MICU2: variants seen among roughly 807,000 people sequenced by gnomAD.
MICU2 encodes mitochondrial calcium uptake 2.
MICU2 carries 64 observed loss-of-function variants against 60.4 expected under a neutral mutation model. That is an observed-to-expected ratio of 1.06 (90% confidence interval 0.87 to 1.31). MICU2 has a LOEUF of 1.31. MICU2 is among the 50% of genes most tolerant of loss of function. The probability of loss-of-function intolerance (pLI) is 0.00; values close to 1 mark genes in which losing one functional copy is unlikely to be tolerated. For synonymous variants in MICU2, 201 were observed against 175.0 expected, an observed-to-expected ratio of 1.15 and a Z score of -1.17; for missense variants, 569 against 531.0, an observed-to-expected ratio of 1.07 and a Z score of -0.70.
In MICU2 at chr13:21,566,889, C is replaced by T. The variant is rs138030448; in HGVS notation, c.266G>A (p.Arg89His). 3.0e-5 allele frequency: 48 copies of T among 1,612,382 alleles called. 1 individual carries two copies. The highest frequency in any genetic ancestry group is 2.2e-4 in the South Asian group (20 of 90,822). The change falls in exon 2 of 12, where the codon CGC becomes CAC. Residue 89 changes from arginine (R) to histidine (H), a missense_variant. Arg to His is a conservative substitution (Grantham distance 29). Transcript: ENST00000382374. ...TTCGAGTGAAGAAAACTGCATGAAG[C>T]GCTGCTTACGAAGAGACGGTTTCCC... ...YIGKPSLRKQ[R>H]FMQFSSLEHE...
intron 7 of MICU2, among the ~76,000 whole-genome samples, chr13:21,511,574 A>G (rs1332947934): frequency 6.6e-6 from 1 of 152,212 alleles, no homozygotes; most frequent in African/African-American, 2.4e-5. Context: ...GTATCCTCCA[A>G]TGGTAGCATC....
At chr13:21,554,072 C>A (rs1232687037) in intron 2 of MICU2, among the ~76,000 whole-genome samples, 10 of 152,120 alleles carry the variant, frequency 6.6e-5, no homozygotes, top group Non-Finnish European at 1.5e-4. Context: ...GACTCCCACA[C>A]AATAATAATG....
chr13:21,575,113 A>G (rs944670399), intron 1 of MICU2, among the ~76,000 whole-genome samples: 3 of 152,138 alleles, frequency 2.0e-5, no homozygotes, highest in Non-Finnish European at 4.4e-5. Context: ...GAAAGCTAGC[A>G]TGGCTTTTTT....
intron 2 of MICU2, among the ~76,000 whole-genome samples, chr13:21,558,225 G>A (rs1887755387): frequency 6.6e-6 from 1 of 152,156 alleles, no homozygotes; most frequent in Non-Finnish European, 1.5e-5. Context: ...CCTCAGGGAG[G>A]CAGTTTTGGG....
At chr13:21,584,062 C>A (rs1888406121) in intron 1 of MICU2, among the ~76,000 whole-genome samples, 1 of 152,118 alleles carries the variant, frequency 6.6e-6, no homozygotes, top group South Asian at 2.1e-4. Flanking sequence ...ATTGTGCTTT[C>A]ATATTTAAGG....
chr13:21,574,625 T>C (rs1017429647), intron 1 of MICU2, among the ~76,000 whole-genome samples: 1 of 152,242 alleles, frequency 6.6e-6, no homozygotes, highest in African/African-American at 2.4e-5. Flanking sequence ...TCTCCACATT[T>C]CTCAGGAAGA....
chr13:21,603,022 G>T (rs1279557882), intron 1 of MICU2, among the ~76,000 whole-genome samples: 2 of 149,670 alleles, frequency 1.3e-5, no homozygotes, highest in African/African-American at 2.5e-5. Flanking sequence ...AGGCTGGAGT[G>T]CAATGGCTCG....
At chr13:21,557,763 A>G (rs907351284) in intron 2 of MICU2, among the ~76,000 whole-genome samples, 4 of 152,334 alleles carry the variant, frequency 2.6e-5, no homozygotes, top group Middle Eastern at 3.4e-3. Flanking sequence ...CATCACATGC[A>G]TAAAGGATGT....
At chr13:21,597,636 A>T (rs1888722095) in intron 1 of MICU2, among the ~76,000 whole-genome samples, 1 of 152,094 alleles carries the variant, frequency 6.6e-6, no homozygotes, top group Non-Finnish European at 1.5e-5. Flanking sequence ...AGTATATAAA[A>T]TAATTTCAGG....
chr13:21,500,587 T>C (rs981345819), intron 9 of MICU2, among the ~76,000 whole-genome samples: 1 of 151,780 alleles, frequency 6.6e-6, no homozygotes, highest in African/African-American at 2.4e-5. Context: ...GCTACTTTTT[T>C]TTGTATTTTT....
chr13:21,513,360 A>C (rs959331166), intron 7 of MICU2, among the ~76,000 whole-genome samples: 1 of 152,106 alleles, frequency 6.6e-6, no homozygotes, highest in Non-Finnish European at 1.5e-5. Flanking sequence ...ATCAATAAGT[A>C]TGTTAGCTGT....
chr13:21,529,736 C>T (rs749173245), intron 4 of MICU2, among the ~76,000 whole-genome samples: 21 of 152,186 alleles, frequency 1.4e-4, no homozygotes, highest in Non-Finnish European at 2.6e-4. Context: ...TAGATATTAT[C>T]ATCTCTATTT....
At position 21,499,813 on chromosome 13, in the gene MICU2, C is replaced by G. The variant is rs182067870; in HGVS notation, c.933+3113G>C. On this transcript the variant is annotated intron_variant, in intron 9 of 11. Transcript: ENST00000382374. Reference sequence around the variant, plus strand: ...CTGTAATCCCAGCACTTTGGGAGGCCGAGAGTTTGGGACCAGCCTGGCCAA... The same window carrying G: ...CTGTAATCCCAGCACTTTGGGAGGCGGAGAGTTTGGGACCAGCCTGGCCAA... Among the ~76,000 whole-genome samples, 317 of 143,520 alleles carry G rather than the reference C, an allele frequency of 2.2e-3. 1 individual carries two copies. Among genetic ancestry groups the G allele is most frequent in the African/African-American group, 7.9e-3 (309 of 39,232 alleles). The allele number at this position is 143,520 out of a possible 152,430, so 94.2% of individuals were successfully genotyped here.
chr13:21,510,621 C>T (rs899421269), intron 7 of MICU2, among the ~76,000 whole-genome samples: 3 of 151,732 alleles, frequency 2.0e-5, no homozygotes, highest in African/African-American at 7.3e-5. Context: ...AACAAAACTG[C>T]TAAAAAAAAG....
intron 4 of MICU2, among the ~76,000 whole-genome samples, chr13:21,523,474 C>T (rs930989150): frequency 5.3e-5 from 8 of 152,244 alleles, no homozygotes; most frequent in Admixed American, 3.3e-4. Flanking sequence ...TTGGGATATA[C>T]TGAGAGTCAA....
chr13:21,575,289 T>C (rs1888197012), intron 1 of MICU2, among the ~76,000 whole-genome samples: 1 of 152,182 alleles, frequency 6.6e-6, no homozygotes, highest in Non-Finnish European at 1.5e-5. Flanking sequence ...GTGCTTTCTC[T>C]TTCCTGATTA....
chr13:21,519,855 A>T (rs1430373476), intron 6 of MICU2, among the ~76,000 whole-genome samples: 2 of 152,246 alleles, frequency 1.3e-5, no homozygotes, highest in African/African-American at 2.4e-5. Flanking sequence ...ATCAATTTGT[A>T]TACAGTAAAA....
intron 1 of MICU2, among the ~76,000 whole-genome samples, chr13:21,589,949 C>T (rs948543192): frequency 1.3e-5 from 2 of 152,154 alleles, no homozygotes; most frequent in African/African-American, 2.4e-5. Context: ...TCTGTAAGGG[C>T]GCACCCTTCT....
At chr13:21,530,964 CA>C in intron 4 of MICU2, 1 of 773,424 alleles carries the variant, frequency 1.3e-6, no homozygotes, top group South Asian at 1.4e-5. Context: ...TTTACAGTGA[CA>C]AATATACACT....
Sources: allele counts gnomAD v4.1 joint callset (sites outside exome capture counted in the v4.1 genomes callset), GRCh38; gene constraint gnomAD v4.1.1; transcripts MANE v1.5; gene names NCBI Gene and HGNC (gene_info 2026-07-23, HGNC 2026-07-21).